Variants in TPMT observed in about 807,000 individuals in gnomAD.
TPMT encodes S-adenosyl-L-methionine:thiopurine S-methyltransferase.
In TPMT, 18 loss-of-function variants were observed where a neutral mutation model predicts 34.2. That is an observed-to-expected ratio of 0.53 (90% CI 0.36 to 0.78). TPMT has a LOEUF of 0.78. Ranked by LOEUF, TPMT falls within the 30% of genes least tolerant of loss-of-function variation. The pLI is 0.00. For missense variants in TPMT, 265 were observed against 288.1 expected, an observed-to-expected ratio of 0.92 and a Z score of 0.58; for synonymous variants, 69 against 92.4, an observed-to-expected ratio of 0.75 and a Z score of 1.45.
Position 18,136,705 on chromosome 6 carries a change from G to A in TPMT, c.494+2258C>T, listed in dbSNP as rs1290058336. ...CATGCCTATAATCCCAGCTACCTGG[G>A]AGGCTGAGGCAGGAGATTCGCTTGA... On this transcript the variant is annotated intron_variant, in intron 6 of 8. Coordinates refer to ENST00000309983, the MANE Select transcript of TPMT (RefSeq NM_000367.5). This position sits in a 1 kb window ranked among gnomAD's most constrained non-coding sequence, Gnocchi z 4.7. 6.6e-6 allele frequency among the ~76,000 whole-genome samples: 1 copy of A among 152,210 alleles called. No homozygotes were observed. Among genetic ancestry groups the A allele is most frequent in the African/African-American group, 2.4e-5 (1 of 41,452 alleles).
At position 18,148,904 on chromosome 6, in the gene TPMT, C is replaced by A; in HGVS notation, c.140+84G>T. The A allele has an allele frequency of 1.3e-6, 2 of 1,589,874 alleles. No homozygotes were observed. The highest frequency in any genetic ancestry group is 2.2e-5 in the South Asian group (2 of 90,414). On this transcript the variant is annotated intron_variant, in intron 2 of 8. Coordinates refer to ENST00000309983, the MANE Select transcript of TPMT (RefSeq NM_000367.5). This position sits in a 1 kb window ranked among gnomAD's most constrained non-coding sequence, Gnocchi z 4.1. ...TTAAATGTGCATCCTAAAAGTTAGT[C>A]AAATAATGTGTACTTTTATTATTTC...
At chr6:18,144,125 C>T (rs533387379) in intron 3 of TPMT, among the ~76,000 whole-genome samples, 1 of 152,232 alleles carries the variant, frequency 6.6e-6, no homozygotes, top group African/African-American at 2.4e-5. Context: ...CTATATCTGT[C>T]GCTGTCCAAT....
chr6:18,134,815 C>A lies in TPMT; in HGVS notation c.495-926G>T, dbSNP rs1029507174. 5.3e-5 allele frequency among the ~76,000 whole-genome samples: 8 copies of A among 152,144 alleles called. No individual in the cohort carries two copies. In the East Asian group the frequency reaches 1.3e-3, roughly 26 times the overall value. ...TATGTGGGAATAAAAATGGAGGAAG[C>A]TGAGGGATAAGGAGAGGACAGGAGA... On this transcript the variant is annotated intron_variant, in intron 6 of 8. Transcript: ENST00000309983.
rs140572796 is a variant in TPMT at position 18,149,257 on chromosome 6, G to C, written c.-44-86C>G. The C allele has an allele frequency of 1.5e-4, 170 of 1,167,020 alleles. No individual in the cohort carries two copies. Among genetic ancestry groups the C allele is most frequent in the Admixed American group, 3.1e-4 (14 of 45,806 alleles). The allele number at this position is 1,167,020 out of a possible 1,614,324, so 72.3% of individuals were successfully genotyped here. On this transcript the variant is annotated intron_variant, in intron 1 of 8. Coordinates refer to ENST00000309983, the MANE Select transcript of TPMT (RefSeq NM_000367.5). This position sits in a 1 kb window ranked among gnomAD's most constrained non-coding sequence, Gnocchi z 5.0. ...AAATGAAAACCTATTATTCTTAGCA[G>C]TATGACTTTTTAAAAATATTTCTTT...
intron 1 of TPMT, among the ~76,000 whole-genome samples, chr6:18,151,209 A>G (rs1162583984): frequency 1.5e-5 from 2 of 137,436 alleles, no homozygotes; most frequent in Non-Finnish European, 3.0e-5. Flanking sequence ...TTTGCTATCA[A>G]TCACCCAGTG....
rs1432917506 is a variant in TPMT at position 18,129,856 on chromosome 6, A to C, written c.*812T>G. The C allele has an allele frequency of 6.6e-6, 1 of 152,228 alleles. No individual in the cohort carries two copies. The highest frequency in any genetic ancestry group is 1.5e-5 in the Non-Finnish European group (1 of 68,040). The allele number at this position is 152,228 out of a possible 1,614,324, so 9.4% of individuals were successfully genotyped here. ...CTTGATTCTGTTATATACATGGAGA[A>C]ACCATGTGAAAAGGGATGCTAGGAT... On this transcript the variant is annotated 3_prime_UTR_variant, in exon 9 of 9. Coordinates refer to ENST00000309983, the MANE Select transcript of TPMT (RefSeq NM_000367.5).
chr6:18,133,413 G>A (rs888278594), intron 7 of TPMT, among the ~76,000 whole-genome samples: 1 of 152,258 alleles, frequency 6.6e-6, no homozygotes, highest in South Asian at 2.1e-4. Context: ...TTCTCACCCC[G>A]TGCTTGTGTA....
At position 18,153,324 on chromosome 6, in the gene TPMT, T is replaced by A. The variant is rs1259040345; in HGVS notation, c.-45+1709A>T. On this transcript the variant is annotated intron_variant, in intron 1 of 8. Coordinates refer to ENST00000309983, the MANE Select transcript of TPMT (RefSeq NM_000367.5). The surrounding 1 kb of genome is among the most constrained non-coding windows in gnomAD (Gnocchi z 4.2). The stretch of plus-strand genomic sequence containing the variant: ...CCATAACTGCAGATCCATCTGAATG[T>A]ATGAGGAAAATGCCTTTCCTTTCAA... Among the ~76,000 whole-genome samples, 1 of 152,236 alleles carries A rather than the reference T, an allele frequency of 6.6e-6. No individual in the cohort carries two copies. The highest frequency in any genetic ancestry group is 1.5e-5 in the Non-Finnish European group (1 of 68,042).
intron 6 of TPMT, among the ~76,000 whole-genome samples, chr6:18,134,336 A>G (rs1314024322): frequency 6.6e-6 from 1 of 152,216 alleles, no homozygotes; most frequent in Non-Finnish European, 1.5e-5. Flanking sequence ...TTAGTTTGCC[A>G]TGGGGCCTGG....
At position 18,135,596 on chromosome 6, in the gene TPMT, G is replaced by A. The variant is rs1784028882; in HGVS notation, c.495-1707C>T. 1.3e-5 allele frequency among the ~76,000 whole-genome samples: 2 copies of A among 152,166 alleles called. No homozygotes were observed. ...ATATAAAATACTAACATAAGGCTGG[G>A]CACGGTGACTTACATCTGTAATCCC... On this transcript the variant is annotated intron_variant, in intron 6 of 8. Transcript: ENST00000309983. The surrounding 1 kb of genome is among the most constrained non-coding windows in gnomAD (Gnocchi z 5.0).
intron 6 of TPMT, among the ~76,000 whole-genome samples, chr6:18,134,853 G>T (rs1259445573): frequency 6.6e-6 from 1 of 152,162 alleles, no homozygotes; most frequent in Non-Finnish European, 1.5e-5. Flanking sequence ...CATGCAGGGT[G>T]GTAGAGAGGC....
intron 7 of TPMT, 51 bp downstream of exon 7, chr6:18,133,753 C>G (rs1783989241): frequency 1.5e-6 from 2 of 1,359,600 alleles, no homozygotes; most frequent in South Asian, 1.3e-5. Flanking sequence ...GAATTTATAT[C>G]AAGAAACTAG....
At chr6:18,151,174 C>T (rs956220269) in intron 1 of TPMT, among the ~76,000 whole-genome samples, 2 of 143,116 alleles carry the variant, frequency 1.4e-5, no homozygotes, top group African/African-American at 5.3e-5. Context: ...ATTTTTTTAA[C>T]TTCTTCTCTC....
rs960947350 is a variant in TPMT at position 18,140,771 on chromosome 6, G to A, written c.367-1054C>T. Among the ~76,000 whole-genome samples the A allele has an allele frequency of 6.6e-6, 1 of 152,178 alleles. No homozygotes were observed. Among genetic ancestry groups the A allele is most frequent in the African/African-American group, 2.4e-5 (1 of 41,454 alleles). ...TAAAACAAAAAAAGAGGTGACTTTT[G>A]AAAGGGTGACACTCTAGGGTGTGGA... On this transcript the variant is annotated intron_variant, in intron 4 of 8. Transcript: ENST00000309983. The surrounding 1 kb of genome is among the most constrained non-coding windows in gnomAD (Gnocchi z 4.7).
Position 18,133,737 on chromosome 6 carries a change from G to T in TPMT, c.580+67C>A, listed in dbSNP as rs746446906. ...TTAGGAGAAAATAATTCTTATCCAT[G>T]TCATAGAATTTATATCAAGAAACTA... On this transcript the variant is annotated intron_variant, in intron 7 of 8. Coordinates refer to ENST00000309983, the MANE Select transcript of TPMT (RefSeq NM_000367.5). 8 of 1,167,356 alleles carry T rather than the reference G, an allele frequency of 6.9e-6. No individual in the cohort carries two copies. In the East Asian group the frequency reaches 1.2e-4, roughly 17 times the overall value. 72.3% of individuals were successfully genotyped at this position (1,167,356 alleles called of 1,614,324 possible).
At position 18,139,154 on chromosome 6, in the gene TPMT, C is replaced by T. The variant is rs750869528; in HGVS notation, c.420-117G>A. 35 of 938,252 alleles carry T rather than the reference C, an allele frequency of 3.7e-5. No homozygotes were observed. The highest frequency in any genetic ancestry group is 2.9e-4 in the Middle Eastern group (1 of 3,508). The allele number at this position is 938,252 out of a possible 1,614,324, so 58.1% of individuals were successfully genotyped here. A position where few individuals can be genotyped will look rare whatever the true frequency, so the allele number is the denominator to read the frequency against. On this transcript the variant is annotated intron_variant, in intron 5 of 8. Coordinates refer to ENST00000309983, the MANE Select transcript of TPMT (RefSeq NM_000367.5). This position sits in a 1 kb window ranked among gnomAD's most constrained non-coding sequence, Gnocchi z 4.2. Reference sequence around the variant, plus strand: ...CAATCGTCAAGGTATTAGGATCTCACGTCTGCGTTTCCTCCTAGAGGAATG... The same window carrying T: ...CAATCGTCAAGGTATTAGGATCTCATGTCTGCGTTTCCTCCTAGAGGAATG...
rs1209374200 is a variant in TPMT, at chr6:18,148,180, T to C, written c.141-265A>G. Among the ~76,000 whole-genome samples the C allele has an allele frequency of 6.6e-6, 1 of 152,162 alleles. No individual in the cohort carries two copies. Among genetic ancestry groups the C allele is most frequent in the East Asian group, 1.9e-4 (1 of 5,202 alleles). ...GGATGTTTTGAAAATTCTTTATTAA[T>C]TCTCTAAATATGTACTATTTTGGGG... On this transcript the variant is annotated intron_variant, in intron 2 of 8. Transcript: ENST00000309983. The surrounding 1 kb of genome is among the most constrained non-coding windows in gnomAD (Gnocchi z 4.1).
rs756585774 is a variant in TPMT, at chr6:18,138,950, A to G, written c.494+13T>C. 31 of 1,610,518 alleles carry G rather than the reference A, an allele frequency of 1.9e-5. No homozygotes were observed. The highest frequency in any genetic ancestry group is 2.6e-5 in the Non-Finnish European group (31 of 1,177,838). ...AATTAAGACAGCTAAACAAAAAAAGAAAAATTACTTACCATTTGCGATCAC... is the reference window on the plus strand; with the variant it reads ...AATTAAGACAGCTAAACAAAAAAAGGAAAATTACTTACCATTTGCGATCAC... On this transcript the variant is annotated intron_variant, in intron 6 of 8. Coordinates refer to ENST00000309983, the MANE Select transcript of TPMT (RefSeq NM_000367.5). The surrounding 1 kb of genome is among the most constrained non-coding windows in gnomAD (Gnocchi z 4.1).
In TPMT at chr6:18,153,557, T is replaced by C. The variant is rs1784395322; in HGVS notation, c.-45+1476A>G. 6.6e-6 allele frequency among the ~76,000 whole-genome samples: 1 copy of C among 152,164 alleles called. No homozygotes were observed. The highest frequency in any genetic ancestry group is 2.1e-4 in the South Asian group (1 of 4,830). On this transcript the variant is annotated intron_variant, in intron 1 of 8. Transcript: ENST00000309983. This position sits in a 1 kb window ranked among gnomAD's most constrained non-coding sequence, Gnocchi z 4.2. ...TTGCCAAATTTGGCCTCAGTATGCT[T>C]AGGATATAGGGAGGAGGCATTTCTC... is the stretch of plus-strand genomic sequence containing the variant.
Sources: allele counts gnomAD v4.1 joint callset (sites outside exome capture counted in the v4.1 genomes callset), GRCh38; gene constraint gnomAD v4.1.1; non-coding constraint Gnocchi (gnomAD v3.1); transcripts MANE v1.5; gene names NCBI Gene and HGNC (gene_info 2026-07-23, HGNC 2026-07-21).